Variants in CCDC191 observed in about 807,000 individuals in gnomAD.
The protein encoded by CCDC191 is coiled-coil domain containing 191.
CCDC191 carries 99 observed loss-of-function variants against 114.0 expected under a neutral mutation model. That is an observed-to-expected ratio of 0.87 (90% CI 0.74 to 1.03). CCDC191 has a LOEUF of 1.03. Among genes scored for constraint, CCDC191 ranks in the 50% least tolerant of loss-of-function variants. The pLI, the probability that CCDC191 is intolerant of heterozygous loss-of-function variation, is 0.00. For synonymous variants in CCDC191, 351 were observed against 376.0 expected (o/e 0.93, Z 0.77); for missense variants, 973 against 1,087.0 (o/e 0.90, Z 1.47).
At chr3:113,969,385 G>A (rs1383263567) in intron 16 of CCDC191, among the ~76,000 whole-genome samples, 1 of 152,124 alleles carries the variant, frequency 6.6e-6, no homozygotes, top group Non-Finnish European at 1.5e-5. Context: ...TGCTTTGGTT[G>A]TCTGTGCTTT....
chr3:114,054,638 A>AAAACAAAC (rs941712851), intron 1 of CCDC191, among the ~76,000 whole-genome samples: 1 of 151,906 alleles, frequency 6.6e-6, no homozygotes, highest in African/African-American at 2.4e-5. Context: ...CTCTGTCTCA[A>AAAACAAAC]AAACAAACAA....
At chr3:114,030,911 G>A (rs2076395553) in intron 7 of CCDC191, among the ~76,000 whole-genome samples, 1 of 152,060 alleles carries the variant, frequency 6.6e-6, no homozygotes, top group South Asian at 2.1e-4. Context: ...TGTAGGATAT[G>A]TAAAATATAC....
At position 113,998,123 on chromosome 3, in the gene CCDC191, T is replaced by C. The variant is rs765262403; in HGVS notation, c.2163+3472A>G. ...GAGTTCGAGACTAGCCTGACCCACA[T>C]AGAGAAACCTGGTCTCTACTAAAAA... On this transcript the variant is annotated intron_variant, in intron 13 of 16. Transcript: ENST00000295878. Among the ~76,000 whole-genome samples the C allele has an allele frequency of 4.0e-4, 61 of 151,566 alleles. 1 individual carries two copies. The highest frequency in any genetic ancestry group is 7.8e-4 in the Non-Finnish European group (53 of 67,924).
At chr3:113,975,370 T>TATAAAATTGAATATATA (rs1382451054) in intron 16 of CCDC191, among the ~76,000 whole-genome samples, 10 of 152,244 alleles carry the variant, frequency 6.6e-5, no homozygotes, top group African/African-American at 2.4e-4. Context: ...TATGGTATTA[T>TATAAAATTGAATATATA]TTCATTCATA....
intron 7 of CCDC191, among the ~76,000 whole-genome samples, chr3:114,020,937 A>G (rs1024759707): frequency 1.3e-5 from 2 of 152,130 alleles, no homozygotes; most frequent in Non-Finnish European, 1.5e-5. Context: ...TAATTTGTAA[A>G]CCATCACTAT....
chr3:113,984,967 G>T (rs1349530430), intron 13 of CCDC191, among the ~76,000 whole-genome samples: 1 of 152,114 alleles, frequency 6.6e-6, no homozygotes, highest in Non-Finnish European at 1.5e-5. Context: ...CTTCAGGGAG[G>T]CACAGGACCT....
chr3:113,966,152 A>G (rs1407587234), intron 16 of CCDC191, among the ~76,000 whole-genome samples: 2 of 152,192 alleles, frequency 1.3e-5, no homozygotes, highest in Admixed American at 6.5e-5. Context: ...GTGCGTAGAC[A>G]TATTTTAAAA....
chr3:114,024,626 C>T (rs1246370057), intron 7 of CCDC191, among the ~76,000 whole-genome samples: 2 of 151,484 alleles, frequency 1.3e-5, no homozygotes, highest in Non-Finnish European at 3.0e-5. Flanking sequence ...CGCATGTTCT[C>T]ACTCATAGAT....
At position 114,006,551 on chromosome 3, in the gene CCDC191, G is replaced by A. The variant is rs1034302417; in HGVS notation, c.1414-589C>T. ...ATCTTCTCTTATAAATTTCTAATTT[G>A]GACAGTTCATTTGTGAATTAGGCAA... On this transcript the variant is annotated intron_variant, in intron 9 of 16. Coordinates refer to ENST00000295878, the MANE Select transcript of CCDC191 (RefSeq NM_020817.2). 7.3e-5 allele frequency among the ~76,000 whole-genome samples: 10 copies of A among 137,696 alleles called. No homozygotes were observed. In the Admixed American group the frequency reaches 7.6e-4, roughly 10 times the overall value. 90.3% of individuals were successfully genotyped at this position (137,696 alleles called of 152,430 possible).
chr3:114,033,039 T>C lies in CCDC191; in HGVS notation c.819-1260A>G, dbSNP rs1255607033. On this transcript the variant is annotated intron_variant, in intron 6 of 16. Coordinates refer to ENST00000295878, the MANE Select transcript of CCDC191 (RefSeq NM_020817.2). ...ATATATATCTATTTTAAAAGAAATA[T>C]ATGCTCATTGTGAAAAACTGGAGAA... Among the ~76,000 whole-genome samples, 5 of 152,150 alleles carry C rather than the reference T, an allele frequency of 3.3e-5. No individual in the cohort carries two copies. The East Asian group carries it at 7.7e-4, about 23-fold the overall frequency.
intron 13 of CCDC191, among the ~76,000 whole-genome samples, chr3:113,991,954 G>T (rs2107637593): frequency 6.6e-6 from 1 of 152,278 alleles, no homozygotes; most frequent in Non-Finnish European, 1.5e-5. Flanking sequence ...CTAACAAAAT[G>T]TGAGATGTGA....
At chr3:114,056,130 C>T (rs916784847) in intron 1 of CCDC191, among the ~76,000 whole-genome samples, 2 of 152,126 alleles carry the variant, frequency 1.3e-5, no homozygotes, top group African/African-American at 2.4e-5. Context: ...TTAGCAGACA[C>T]CTCCGGTTTT....
chr3:114,009,311 A>T (rs1419243810), intron 9 of CCDC191, among the ~76,000 whole-genome samples: 2 of 152,144 alleles, frequency 1.3e-5, no homozygotes, highest in African/African-American at 4.8e-5. Flanking sequence ...ATAAACTTTT[A>T]AATTATTAAC....
intron 6 of CCDC191, among the ~76,000 whole-genome samples, chr3:114,034,657 T>C (rs1432003343): frequency 1.3e-5 from 2 of 152,128 alleles, no homozygotes; most frequent in African/African-American, 4.8e-5. Flanking sequence ...ATTATACACA[T>C]CCCAGGACTC....
At chr3:113,983,315 CCAGA>C (rs1455491363) in intron 13 of CCDC191, among the ~76,000 whole-genome samples, 1 of 152,132 alleles carries the variant, frequency 6.6e-6, no homozygotes, top group Non-Finnish European at 1.5e-5. Context: ...TCTACTCTAT[CCAGA>C]CAATCTCCCA....
chr3:114,002,913 A>G lies in CCDC191; in HGVS notation c.1979-375T>C, dbSNP rs1382674630. The G allele has an allele frequency of 4.1e-6, 4 of 982,980 alleles. No homozygotes were observed. In the African/African-American group the frequency reaches 7.0e-5, roughly 17 times the overall value. 60.9% of individuals were successfully genotyped at this position (982,980 alleles called of 1,614,324 possible). On this transcript the variant is annotated intron_variant, in intron 11 of 16. Transcript: ENST00000295878. ...ATGCAGAAAACTTTAATTACATCTA[A>G]CAAGTACTTTGAGAGTAGAATCGTT...
intron 13 of CCDC191, among the ~76,000 whole-genome samples, chr3:113,985,184 T>C (rs1371216782): frequency 3.3e-5 from 5 of 152,088 alleles, no homozygotes; most frequent in African/African-American, 1.2e-4. Context: ...ACAGAGAAGA[T>C]CATGGAGAAT....
Position 114,047,415 on chromosome 3 carries a change from A to T in CCDC191, c.130-683T>A, listed in dbSNP as rs141786503. ...AGTGGCTCATGCCTGTAATCATAGC[A>T]CTTTGGAAGGCCAAAATGGGAGGAC... On this transcript the variant is annotated intron_variant, in intron 2 of 16. Coordinates refer to ENST00000295878, the MANE Select transcript of CCDC191 (RefSeq NM_020817.2). 2.5e-4 allele frequency among the ~76,000 whole-genome samples: 38 copies of T among 152,292 alleles called. 1 individual carries two copies. The East Asian group carries it at 7.1e-3, about 29-fold the overall frequency.
At chr3:114,056,309 G>A (rs2076779920) in intron 1 of CCDC191, 68 bp downstream of exon 1, 3 of 1,484,900 alleles carry the variant, frequency 2.0e-6, no homozygotes, top group Non-Finnish European at 2.8e-6. Flanking sequence ...GACGGGCCGC[G>A]ACTGGCTTCC....
Sources: gnomAD v4.1 joint callset for allele counts (sites outside exome capture counted in the v4.1 genomes callset) on GRCh38, gnomAD v4.1.1 for gene constraint, MANE v1.5 for transcripts, NCBI Gene and HGNC (gene_info 2026-07-23, HGNC 2026-07-21) for gene names.